RANBP17: variants seen among roughly 807,000 people sequenced by gnomAD.
RANBP17 encodes ran-binding protein 17.
RANBP17 carries 158 observed loss-of-function variants against 141.2 expected under a neutral mutation model. The observed-to-expected ratio is 1.12, with a 90% CI of 0.98 to 1.28. The LOEUF is 1.28. Among genes scored for constraint, RANBP17 ranks in the 50% most tolerant of loss-of-function variants. The pLI is 0.00. For synonymous variants in RANBP17, 430 were observed against 450.0 expected (o/e 0.96, Z 0.56); for missense variants, 1,438 against 1,290.7 (o/e 1.11, Z -1.75).
Position 171,081,848 on chromosome 5 carries a change from C to CA in RANBP17, c.1711-88281dup, listed in dbSNP as rs568162480. On this transcript the variant is annotated intron_variant, in intron 14 of 27. Coordinates refer to ENST00000523189, the MANE Select transcript of RANBP17 (RefSeq NM_022897.5). The stretch of plus-strand genomic sequence containing the variant: ...TAGATATGTCGAATGCAATTACTAT[C>CA]AGATGAACAGTTCTTTTCCTACTCT... Among the ~76,000 whole-genome samples the CA allele has an allele frequency of 3.0e-4, 46 of 152,214 alleles. 1 individual carries two copies. The highest frequency in any genetic ancestry group is 2.7e-3 in the East Asian group (14 of 5,182).
At chr5:171,067,104 C>T (rs547578577) in intron 14 of RANBP17, among the ~76,000 whole-genome samples, 3 of 152,132 alleles carry the variant, frequency 2.0e-5, no homozygotes, top group Admixed American at 1.3e-4. Flanking sequence ...CCTATACTGC[C>T]TTCTTCTTTG....
intron 8 of RANBP17, 26 bp downstream of exon 8, chr5:170,914,266 G>T (rs571601839): frequency 2.3e-5 from 33 of 1,437,462 alleles, no homozygotes; most frequent in Non-Finnish European, 3.0e-5. Context: ...TCGTTATTTC[G>T]TTAAAAAATA....
At chr5:171,214,720 G>T (rs758808655) in intron 21 of RANBP17, among the ~76,000 whole-genome samples, 1 of 151,860 alleles carries the variant, frequency 6.6e-6, no homozygotes, top group Non-Finnish European at 1.5e-5. Context: ...TTAAAGGAAG[G>T]GTGGCTTTGT....
intron 14 of RANBP17, among the ~76,000 whole-genome samples, chr5:171,013,914 G>C (rs1780250297): frequency 6.6e-6 from 1 of 151,892 alleles, no homozygotes; most frequent in African/African-American, 2.4e-5. Flanking sequence ...CTTTGTACTT[G>C]GTTCTCTCAG....
At chr5:171,224,750 C>T (rs892186503) in intron 22 of RANBP17, among the ~76,000 whole-genome samples, 5 of 152,126 alleles carry the variant, frequency 3.3e-5, no homozygotes, top group African/African-American at 7.2e-5. Context: ...TTTTCTTACA[C>T]GGAAGAAAGA....
At chr5:171,044,966 CAT>C (rs143467747) in intron 14 of RANBP17, among the ~76,000 whole-genome samples, 7,635 of 152,026 alleles carry the variant, frequency 0.05, 264 homozygotes, top group South Asian at 0.076. Context: ...GGAATAATAA[CAT>C]GTGAATTCAT....
chr5:171,089,308 C>T (rs995885042), intron 14 of RANBP17, among the ~76,000 whole-genome samples: 11 of 108,864 alleles, frequency 1.0e-4, no homozygotes, highest in African/African-American at 3.0e-4. Context: ...AGGAGGCAGT[C>T]TGCCCGTTCT....
intron 22 of RANBP17, among the ~76,000 whole-genome samples, chr5:171,237,240 A>T (rs913188659): frequency 3.3e-5 from 5 of 152,168 alleles, no homozygotes; most frequent in African/African-American, 9.7e-5. Flanking sequence ...CAGAGAGTGG[A>T]GGTGAAGAAG....
intron 14 of RANBP17, among the ~76,000 whole-genome samples, chr5:171,038,172 G>GTA (rs150230883): frequency 6.6e-6 from 1 of 150,954 alleles, no homozygotes; most frequent in Non-Finnish European, 1.5e-5. Context: ...TTGTGTGTGT[G>GTA]TGTGTGTGTG....
At chr5:171,089,668 G>GT (rs1263698394) in intron 14 of RANBP17, among the ~76,000 whole-genome samples, 3 of 151,974 alleles carry the variant, frequency 2.0e-5, no homozygotes, top group Non-Finnish European at 4.4e-5. Context: ...GTGGTGCGCC[G>GT]TTTTTTAAGC....
At chr5:171,281,838 CT>C (rs1406567110) in intron 25 of RANBP17, among the ~76,000 whole-genome samples, 1 of 152,212 alleles carries the variant, frequency 6.6e-6, no homozygotes, top group Middle Eastern at 3.2e-3. Flanking sequence ...CCTCCTGAGG[CT>C]TAGCCTGTTT....
rs186380460 is a variant in RANBP17 at position 170,887,959 on chromosome 5, C to G, written c.257-4428C>G. Among the ~76,000 whole-genome samples, 13 of 152,288 alleles carry G rather than the reference C, an allele frequency of 8.5e-5. No homozygotes were observed. In the East Asian group the frequency reaches 2.5e-3, roughly 29 times the overall value. ...TTGGTGTACTCATCTCTTAAAGATC[C>G]TGCCTCTTAAGATGTTACAGTGGCA... On this transcript the variant is annotated intron_variant, in intron 3 of 27. Transcript: ENST00000523189.
chr5:171,029,217 A>C (rs1781408334), intron 14 of RANBP17: 1 of 157,030 alleles, frequency 6.4e-6, no homozygotes, highest in Non-Finnish European at 1.4e-5. Context: ...GATCATTTTC[A>C]ACACACTTGT....
At chr5:170,932,735 A>C (rs1196341274) in intron 12 of RANBP17, among the ~76,000 whole-genome samples, 1 of 152,208 alleles carries the variant, frequency 6.6e-6, no homozygotes, top group African/African-American at 2.4e-5. Context: ...ATGTTGAACC[A>C]GCCTTGCATC....
chr5:171,238,958 T>C (rs1294772430), intron 22 of RANBP17, among the ~76,000 whole-genome samples: 1 of 152,174 alleles, frequency 6.6e-6, no homozygotes, highest in East Asian at 1.9e-4. Flanking sequence ...TGGAATTATT[T>C]ATTTACAGAT....
chr5:170,936,810 A>C (rs1441289442), intron 12 of RANBP17, among the ~76,000 whole-genome samples: 1 of 152,178 alleles, frequency 6.6e-6, no homozygotes, highest in East Asian at 1.9e-4. Flanking sequence ...GAGGGGTGTT[A>C]AATCTCCAGT....
chr5:171,287,000 C>A (rs1768209523), intron 25 of RANBP17, among the ~76,000 whole-genome samples: 2 of 152,064 alleles, frequency 1.3e-5, no homozygotes, highest in Admixed American at 1.3e-4. Flanking sequence ...TTTTACTGAC[C>A]TTCTGAAAGG....
intron 24 of RANBP17, among the ~76,000 whole-genome samples, chr5:171,256,368 G>A (rs114970097): frequency 0.022 from 3,424 of 152,210 alleles, 128 homozygotes; most frequent in African/African-American, 0.077. Context: ...TGAAGAAGGC[G>A]CTATATAGAT....
At chr5:170,979,056 C>T (rs1777585450) in intron 14 of RANBP17, among the ~76,000 whole-genome samples, 3 of 152,102 alleles carry the variant, frequency 2.0e-5, no homozygotes, top group Admixed American at 2.0e-4. Context: ...GAAAAAAAGT[C>T]ATACAAGGAC....
Sources: gnomAD v4.1 joint callset for allele counts (sites outside exome capture counted in the v4.1 genomes callset) on GRCh38, gnomAD v4.1.1 for gene constraint, MANE v1.5 for transcripts, NCBI Gene and HGNC (gene_info 2026-07-23, HGNC 2026-07-21) for gene names.